The following TLE4 variants were observed in gnomAD, a reference collection of about 807,000 sequenced individuals.
TLE4 encodes the protein TLE family member 4, transcriptional corepressor, also known as transducin-like enhancer protein 4.
Under a neutral mutation model 92.8 loss-of-function variants are expected in TLE4, and 8 were observed. The observed-to-expected ratio is 0.09, with a 90% confidence interval of 0.05 to 0.16. The LOEUF is 0.16. Among genes scored for constraint, TLE4 ranks in the 10% least tolerant of loss-of-function variants. The pLI, the probability that TLE4 is intolerant of heterozygous loss-of-function variation, is 1.00. For missense variants in TLE4, 675 were observed against 997.6 expected, an observed-to-expected ratio of 0.68 and a Z score of 4.36; for synonymous variants, 371 against 374.1, an observed-to-expected ratio of 0.99 and a Z score of 0.10.
chr9:79,693,547 A>G (rs779364686), intron 8 of TLE4: 1 of 417,076 alleles, frequency 2.4e-6, no homozygotes, highest in East Asian at 7.0e-5. Flanking sequence ...GACTTACCAG[A>G]TAGCAGACTG....
chr9:79,720,040 C>T lies in TLE4; in HGVS notation c.1591-6C>T, dbSNP rs1441113832. On this transcript the variant is annotated splice_region_variant and splice_polypyrimidine_tract_variant and intron_variant, in intron 15 of 19. Transcript: ENST00000376552. ...AGTAATCTCTTGATGGTTTTTGTCT[C>T]TACAGAACAGGGATAACTACATCCG... 2 of 1,600,842 alleles carry T rather than the reference C, an allele frequency of 1.2e-6. No homozygotes were observed. The highest frequency in any genetic ancestry group is 1.7e-6 in the Non-Finnish European group (2 of 1,169,784).
At chr9:79,658,393 A>G (rs2060059824) in intron 8 of TLE4, among the ~76,000 whole-genome samples, 1 of 151,722 alleles carries the variant, frequency 6.6e-6, no homozygotes, top group Non-Finnish European at 1.5e-5. Flanking sequence ...AAATTCCTTG[A>G]TTTTGTTTAA....
At chr9:79,680,075 G>A (rs1200433839) in intron 8 of TLE4, among the ~76,000 whole-genome samples, 1 of 152,100 alleles carries the variant, frequency 6.6e-6, no homozygotes, top group Admixed American at 6.6e-5. Flanking sequence ...TGTTCTTTTG[G>A]CTTAGGATTG....
chr9:79,673,055 A>T (rs890659656), intron 8 of TLE4, among the ~76,000 whole-genome samples: 1 of 152,222 alleles, frequency 6.6e-6, no homozygotes, highest in Admixed American at 6.5e-5. Flanking sequence ...TTTAAATGCC[A>T]GCAACCAGTG....
At chr9:79,647,645 G>A (rs983813870) in intron 6 of TLE4, among the ~76,000 whole-genome samples, 2 of 152,102 alleles carry the variant, frequency 1.3e-5, no homozygotes, top group Non-Finnish European at 2.9e-5. Context: ...GCTGATATTA[G>A]TTGGTAATCT....
At chr9:79,592,192 T>C (rs962626881) in intron 4 of TLE4, among the ~76,000 whole-genome samples, 9 of 137,860 alleles carry the variant, frequency 6.5e-5, no homozygotes, top group African/African-American at 2.6e-4. Context: ...CCTCTTCTTC[T>C]TCTTCTTCTT....
At chr9:79,712,932 C>G (rs1411364005) in intron 14 of TLE4, among the ~76,000 whole-genome samples, 4 of 152,236 alleles carry the variant, frequency 2.6e-5, no homozygotes, top group Non-Finnish European at 5.9e-5. Context: ...ATTCAGAAAT[C>G]TGACTCTTTT....
intron 13 of TLE4, 35 bp from the exon 14 acceptor site, chr9:79,709,587 TG>T: frequency 6.3e-7 from 1 of 1,586,522 alleles, no homozygotes; most frequent in Non-Finnish European, 8.7e-7. Flanking sequence ...AATGTAACTG[TG>T]CTTATTTCTG....
At chr9:79,673,021 A>G (rs2062671005) in intron 8 of TLE4, among the ~76,000 whole-genome samples, 1 of 152,214 alleles carries the variant, frequency 6.6e-6, no homozygotes, top group South Asian at 2.1e-4. Flanking sequence ...GTCTTAGAAC[A>G]TTGCAAGATG....
chr9:79,710,649 A>G (rs2073039037), intron 14 of TLE4, among the ~76,000 whole-genome samples: 1 of 152,166 alleles, frequency 6.6e-6, no homozygotes, highest in East Asian at 1.9e-4. Flanking sequence ...TCTTCCTGCA[A>G]AACTTTCTGT....
chr9:79,704,768 T>TC lies in TLE4; in HGVS notation c.610-13dup. 6.2e-7 allele frequency: 1 copy of TC among 1,603,306 alleles called. No homozygotes were observed. Among genetic ancestry groups the TC allele is most frequent in the Middle Eastern group, 1.7e-4 (1 of 5,988 alleles). On this transcript the variant is annotated splice_polypyrimidine_tract_variant and intron_variant, in intron 8 of 19. Transcript: ENST00000376552. ...GATAATTTCTCAACCATGCTTCCTC[T>TC]CCTTCTAATTCCAGAGCTCTTCAGT... is the stretch of plus-strand genomic sequence containing the variant.
chr9:79,648,104 A>T (rs900980594), intron 6 of TLE4, among the ~76,000 whole-genome samples: 13 of 152,174 alleles, frequency 8.5e-5, no homozygotes, highest in African/African-American at 2.4e-4. Flanking sequence ...AGTTAGGCTG[A>T]TGCTAGTTTA....
At chr9:79,613,781 T>C (rs546339583) in intron 5 of TLE4, among the ~76,000 whole-genome samples, 3 of 152,272 alleles carry the variant, frequency 2.0e-5, no homozygotes, top group South Asian at 4.1e-4. Context: ...ATTATAGATA[T>C]GCAGATTGCT....
intron 4 of TLE4, among the ~76,000 whole-genome samples, chr9:79,607,980 C>T (rs182789440): frequency 2.6e-4 from 39 of 151,932 alleles, no homozygotes; most frequent in African/African-American, 8.0e-4. Flanking sequence ...TGGGCTGAGA[C>T]GATGGGGTTT....
intron 4 of TLE4, among the ~76,000 whole-genome samples, chr9:79,590,613 G>C (rs1311653776): frequency 6.6e-6 from 1 of 152,178 alleles, no homozygotes; most frequent in African/African-American, 2.4e-5. Flanking sequence ...GTTGTAAGCA[G>C]AGCTGATAGG....
chr9:79,687,283 C>T (rs927195765), intron 8 of TLE4, among the ~76,000 whole-genome samples: 1 of 152,108 alleles, frequency 6.6e-6, no homozygotes, highest in South Asian at 2.1e-4. Flanking sequence ...TATACAGAAG[C>T]GCAATTCACA....
intron 4 of TLE4, among the ~76,000 whole-genome samples, chr9:79,594,513 A>T (rs888717475): frequency 6.8e-6 from 1 of 146,054 alleles, no homozygotes; most frequent in African/African-American, 2.5e-5. Context: ...TTTGTTTTGT[A>T]TTTTTTTTTT....
chr9:79,690,398 G>A (rs2066799435), intron 8 of TLE4, among the ~76,000 whole-genome samples: 1 of 152,130 alleles, frequency 6.6e-6, no homozygotes, highest in Admixed American at 6.6e-5. Context: ...AGTTTTTTGA[G>A]TAAGGATCAG....
intron 2 of TLE4, 113 bp downstream of exon 2, chr9:79,573,899 AT>A (rs1044911847): frequency 1.9e-4 from 133 of 686,768 alleles, no homozygotes; most frequent in South Asian, 5.0e-4. Flanking sequence ...CAAAGGTATT[AT>A]TTTTTTTTCT....
Sources: gnomAD v4.1 joint callset for allele counts (sites outside exome capture counted in the v4.1 genomes callset) on GRCh38, gnomAD v4.1.1 for gene constraint, MANE v1.5 for transcripts, NCBI Gene and HGNC (gene_info 2026-07-23, HGNC 2026-07-21) for gene names.